The following LRP1B variants were observed in gnomAD, a reference collection of about 807,000 sequenced individuals.
LRP1B encodes the protein low-density lipoprotein receptor-related protein 1B.
Under a neutral mutation model 556.6 loss-of-function variants are expected in LRP1B, and 217 were observed. The observed-to-expected ratio is 0.39, with a 90% CI of 0.35 to 0.44. The LOEUF (loss-of-function observed/expected upper bound fraction) is 0.44, where lower values mean the gene tolerates loss of function less well. Ranked by LOEUF, LRP1B falls within the 20% of genes least tolerant of loss-of-function variation. LRP1B has a pLI of 1.00. For missense variants in LRP1B, 5,053 were observed against 5,620.8 expected (o/e 0.90, Z 3.23); for synonymous variants, 2,047 against 1,865.8 (o/e 1.10, Z -2.50).
chr2:141,468,885 G>A (rs994021038), intron 3 of LRP1B, among the ~76,000 whole-genome samples: 4 of 152,028 alleles, frequency 2.6e-5, no homozygotes, highest in African/African-American at 9.7e-5. Context: ...GCCTTGGCTC[G>A]CAAGCACAAT....
In LRP1B at chr2:141,541,290, G is replaced by A. The variant is rs552765208; in HGVS notation, c.206-60757C>T. ...CAGAAATTCATCTTTTGTTGAGACA[G>A]ACATGAGATCAGATTTATGTTTTAG... On this transcript the variant is annotated intron_variant, in intron 2 of 90. Transcript: ENST00000389484. Among the ~76,000 whole-genome samples the A allele has an allele frequency of 3.9e-5, 6 of 152,120 alleles. No individual in the cohort carries two copies. The East Asian group carries it at 1.2e-3, about 29-fold the overall frequency.
At chr2:140,295,070 G>A (rs891038844) in intron 84 of LRP1B, among the ~76,000 whole-genome samples, 8 of 151,878 alleles carry the variant, frequency 5.3e-5, no homozygotes, top group East Asian at 1.9e-4. Context: ...TAGAGACGGC[G>A]TTTCACCGTC....
chr2:140,768,914 A>G (rs6755973), intron 35 of LRP1B, among the ~76,000 whole-genome samples: 118,519 of 151,614 alleles, frequency 0.78, 47,013 homozygotes, highest in East Asian at 0.99. Flanking sequence ...ATAACTAGAT[A>G]AAAGTAAAGT....
rs558677783 is a variant in LRP1B at position 140,651,526 on chromosome 2, TAA to T, written c.6799+48722_6799+48723del. Among the ~76,000 whole-genome samples the T allele has an allele frequency of 4.5e-3, 486 of 106,992 alleles. 3 individuals are homozygous for T. The highest frequency in any genetic ancestry group is 9.0e-3 in the South Asian group (29 of 3,210). The allele number at this position is 106,992 out of a possible 152,430, so 70.2% of individuals were successfully genotyped here. On this transcript the variant is annotated intron_variant, in intron 41 of 90. Coordinates refer to ENST00000389484, the MANE Select transcript of LRP1B (RefSeq NM_018557.3). The stretch of plus-strand genomic sequence containing the variant: ...ATTAAAAAAAAACACATACAAAAAT[TAA>T]AAAAAAAAAAAAAAAAAAGAATGGG...
At chr2:141,544,381 T>TCTTCTTCTTCTTCTTCTCCTC (rs1685463294) in intron 2 of LRP1B, among the ~76,000 whole-genome samples, 1 of 79,756 alleles carries the variant, frequency 1.3e-5, no homozygotes, top group African/African-American at 4.3e-5. Context: ...TTCTTCTTCT[T>TCTTCTTCTTCTTCTTCTCCTC]CTCCTCCTCC....
rs1043917661 is a variant in LRP1B, at chr2:140,960,441, T to C, written c.2888-8501A>G. Among the ~76,000 whole-genome samples, 6 of 151,814 alleles carry C rather than the reference T, an allele frequency of 4.0e-5. No homozygotes were observed. The East Asian group carries it at 5.8e-4, about 15-fold the overall frequency. On this transcript the variant is annotated intron_variant, in intron 18 of 90. Transcript: ENST00000389484. Reference sequence around the variant, plus strand: ...TGAGCTTCACACTGCCAGATCCTGATTGCAAATGAGAAATCACAGTGTCAT... The same window carrying C: ...TGAGCTTCACACTGCCAGATCCTGACTGCAAATGAGAAATCACAGTGTCAT...
chr2:141,425,296 C>T (rs926363666), intron 3 of LRP1B, among the ~76,000 whole-genome samples: 7 of 149,988 alleles, frequency 4.7e-5, no homozygotes, highest in Non-Finnish European at 8.9e-5. Context: ...ATATGTGCCA[C>T]ATTTTCTTAA....
chr2:141,475,904 C>T (rs950989619), intron 3 of LRP1B, among the ~76,000 whole-genome samples: 5 of 152,180 alleles, frequency 3.3e-5, no homozygotes, highest in Non-Finnish European at 5.9e-5. Flanking sequence ...ATTTACCATC[C>T]TTCAATTTCC....
At chr2:140,863,778 T>C (rs541478690) in intron 27 of LRP1B, among the ~76,000 whole-genome samples, 4 of 152,152 alleles carry the variant, frequency 2.6e-5, no homozygotes, top group Non-Finnish European at 5.9e-5. Context: ...TTTCATTTAC[T>C]ATACTCTTAC....
intron 3 of LRP1B, among the ~76,000 whole-genome samples, chr2:141,271,759 T>C (rs1041024291): frequency 7.5e-6 from 1 of 134,098 alleles, no homozygotes; most frequent in African/African-American, 2.6e-5. Flanking sequence ...AGATAGTAAG[T>C]AGAAACCATA....
chr2:140,550,702 A>G (rs1680516741), intron 43 of LRP1B, among the ~76,000 whole-genome samples: 1 of 152,178 alleles, frequency 6.6e-6, no homozygotes, highest in South Asian at 2.1e-4. Context: ...GACTGCTAAT[A>G]CCTAGTAAGT....
intron 84 of LRP1B, among the ~76,000 whole-genome samples, chr2:140,277,540 T>G (rs1682727662): frequency 6.6e-6 from 1 of 151,914 alleles, no homozygotes; most frequent in African/African-American, 2.4e-5. Context: ...TGAGCCAAGA[T>G]TGTGACATTG....
intron 42 of LRP1B, among the ~76,000 whole-genome samples, chr2:140,599,513 A>T (rs898762205): frequency 6.6e-6 from 1 of 152,228 alleles, no homozygotes; most frequent in Non-Finnish European, 1.5e-5. Flanking sequence ...ACAGCCAACA[A>T]AGTTATTCAA....
At chr2:141,056,460 C>A (rs1357788090) in intron 9 of LRP1B, among the ~76,000 whole-genome samples, 3 of 151,856 alleles carry the variant, frequency 2.0e-5, no homozygotes, top group Middle Eastern at 3.2e-3. Flanking sequence ...TGCAAAGCTA[C>A]CAATGATCAT....
chr2:140,625,453 C>A (rs932655927), intron 41 of LRP1B, among the ~76,000 whole-genome samples: 11 of 152,104 alleles, frequency 7.2e-5, no homozygotes. Context: ...AAGCCACAAA[C>A]TAATAGAATA....
intron 41 of LRP1B, among the ~76,000 whole-genome samples, chr2:140,649,724 C>T (rs374948039): frequency 3.9e-5 from 6 of 152,242 alleles, no homozygotes; most frequent in East Asian, 1.9e-4. Context: ...CACCAGATCC[C>T]GTGAATCTAC....
chr2:141,425,740 T>A (rs1368463447), intron 3 of LRP1B, among the ~76,000 whole-genome samples: 16 of 151,614 alleles, frequency 1.1e-4, no homozygotes, highest in Non-Finnish European at 2.2e-4. Context: ...GTCTGTTCAT[T>A]TCCTTTGCCC....
chr2:140,983,408 C>T (rs1696829906), intron 17 of LRP1B, among the ~76,000 whole-genome samples: 2 of 152,038 alleles, frequency 1.3e-5, no homozygotes, highest in Admixed American at 6.6e-5. Context: ...CTTCCTTTTT[C>T]CTAGGTTTCA....
At chr2:141,906,517 T>C (rs902456962) in intron 1 of LRP1B, among the ~76,000 whole-genome samples, 9 of 152,010 alleles carry the variant, frequency 5.9e-5, no homozygotes, top group Admixed American at 4.6e-4. Flanking sequence ...ATCTTAATTG[T>C]TACAATACTG....
Sources: allele counts gnomAD v4.1 joint callset (sites outside exome capture counted in the v4.1 genomes callset), GRCh38; gene constraint gnomAD v4.1.1; transcripts MANE v1.5; gene names NCBI Gene and HGNC (gene_info 2026-07-23, HGNC 2026-07-21).